AFF3: variants seen among roughly 807,000 people sequenced by gnomAD.
AFF3 encodes ALF transcription elongation factor 3, also known as AF4/FMR2 family member 3.
In AFF3, 32 loss-of-function variants were observed where a neutral mutation model predicts 129.7. The ratio of observed to expected loss-of-function variants is 0.25; its 90% CI spans 0.19 to 0.33. The LOEUF (loss-of-function observed/expected upper bound fraction) is 0.33. AFF3 is among the 10% of genes least tolerant of loss of function. The pLI, the probability that AFF3 is intolerant of heterozygous loss-of-function variation, is 1.00. For synonymous variants in AFF3, 644 were observed against 635.4 expected, an observed-to-expected ratio of 1.01 and a Z score of -0.20; for missense variants, 1,373 against 1,592.0, an observed-to-expected ratio of 0.86 and a Z score of 2.34.
chr2:99,690,371 TG>T (rs1675526257), intron 11 of AFF3, among the ~76,000 whole-genome samples: 1 of 151,242 alleles, frequency 6.6e-6, no homozygotes, highest in South Asian at 2.1e-4. Context: ...TTAGTAGAGA[TG>T]GGGTTTCACC....
intron 19 of AFF3, among the ~76,000 whole-genome samples, chr2:99,567,653 G>C (rs914552730): frequency 3.9e-5 from 6 of 152,130 alleles, no homozygotes; most frequent in Admixed American, 1.3e-4. Flanking sequence ...CCATGAGAGT[G>C]TGTGAGAGTG....
chr2:100,106,646 C>T, intron 2 of AFF3: 1 of 986,538 alleles, frequency 1.0e-6, no homozygotes, highest in Non-Finnish European at 1.2e-6. Context: ...GTGTCCTGTT[C>T]CCGTGCTCCT....
chr2:99,673,702 C>T (rs1469750799), intron 11 of AFF3, among the ~76,000 whole-genome samples: 1 of 152,180 alleles, frequency 6.6e-6, no homozygotes, highest in Admixed American at 6.5e-5. Context: ...AGGCTGTCCC[C>T]TAAAATGTAC....
rs912236229 is a variant in AFF3, at chr2:100,106,169, A to C, written c.-144-586T>G. The C allele has an allele frequency of 6.6e-6, 8 of 1,203,676 alleles. No homozygotes were observed. The African/African-American group carries it at 1.1e-4, about 17-fold the overall frequency. 74.6% of individuals were successfully genotyped at this position (1,203,676 alleles called of 1,614,324 possible). Reference sequence around the variant, plus strand: ...GGCTCCCTTCTTCCCCCAGCTCTGAATCAATCCTTTCTTCATTAGCATCCA... The same window carrying C: ...GGCTCCCTTCTTCCCCCAGCTCTGACTCAATCCTTTCTTCATTAGCATCCA... On this transcript the variant is annotated intron_variant, in intron 2 of 24. Transcript: ENST00000672756.
chr2:99,675,662 A>G (rs1687542349), intron 11 of AFF3, among the ~76,000 whole-genome samples: 1 of 152,204 alleles, frequency 6.6e-6, no homozygotes, highest in Non-Finnish European at 1.5e-5. Context: ...GCTGAAGTTT[A>G]TAGCTGAACA....
At chr2:99,730,108 A>ACATAC (rs1253531761) in intron 10 of AFF3, among the ~76,000 whole-genome samples, 2 of 152,152 alleles carry the variant, frequency 1.3e-5, no homozygotes, top group Non-Finnish European at 2.9e-5. Context: ...ACATTGCCTA[A>ACATAC]CATACACTAG....
chr2:100,108,063 C>T (rs1424706630), intron 2 of AFF3, among the ~76,000 whole-genome samples: 1 of 152,192 alleles, frequency 6.6e-6, no homozygotes, highest in Non-Finnish European at 1.5e-5. Context: ...GCCCCTACAG[C>T]ATCTCCTCCA....
intron 10 of AFF3, among the ~76,000 whole-genome samples, chr2:99,742,671 G>A (rs1329389228): frequency 6.6e-6 from 1 of 152,182 alleles, no homozygotes. Context: ...AGAGAGCCCT[G>A]AATTCAAATT....
chr2:100,093,797 G>C (rs1436582899), intron 4 of AFF3, among the ~76,000 whole-genome samples: 1 of 152,146 alleles, frequency 6.6e-6, no homozygotes, highest in Admixed American at 6.5e-5. Flanking sequence ...CGCCGCACGT[G>C]ATGATCACTG....
chr2:100,091,212 C>A (rs892008596), intron 4 of AFF3, among the ~76,000 whole-genome samples: 1 of 151,762 alleles, frequency 6.6e-6, no homozygotes, highest in African/African-American at 2.4e-5. Context: ...TAGAATCCAC[C>A]CTACAGGTAA....
rs376618862 is a variant in AFF3, at chr2:99,546,966, G to A, written c.*4508C>T. ...CATGTGCATACGTGCATGCATGTGCGCGCGTGTGTGCGTATGTGTATGTAT... is the reference window on the plus strand; with the variant it reads ...CATGTGCATACGTGCATGCATGTGCACGCGTGTGTGCGTATGTGTATGTAT... On this transcript the variant is annotated 3_prime_UTR_variant, in exon 25 of 25. Transcript: ENST00000672756. The A allele has an allele frequency of 3.2e-5, 7 of 221,590 alleles. No homozygotes were observed. The highest frequency in any genetic ancestry group is 6.6e-5 in the East Asian group (1 of 15,264). 13.7% of individuals were successfully genotyped at this position (221,590 alleles called of 1,614,324 possible).
chr2:99,856,717 A>T (rs1690559044), intron 7 of AFF3, among the ~76,000 whole-genome samples: 1 of 152,160 alleles, frequency 6.6e-6, no homozygotes, highest in Admixed American at 6.5e-5. Flanking sequence ...TCTTAAGTGG[A>T]TGGCCAAGCA....
Position 100,008,917 on chromosome 2 carries a change from A to C in AFF3, c.69T>G (p.Asp23Glu). 6.2e-7 allele frequency: 1 copy of C among 1,613,996 alleles called. No homozygotes were observed. The highest frequency in any genetic ancestry group is 2.2e-5 in the East Asian group (1 of 44,884). ...GTTCTTTCCTCCGTAATGCATTTCT[A>C]TCTGGTTCATAGACACTGCATCAGG... ...DLESLCVYEP[D>E]RNALRRKERE... The change falls in exon 5 of 25, where the codon GAT (aspartate) becomes GAG (glutamate). Residue 23 changes from aspartate to glutamate, a missense_variant. Around this residue, in one of 9 missense-constraint regions of AFF3, gnomAD observed 255 missense variants for 256.0 expected, o/e 1.00. Transcript: ENST00000672756.
intron 16 of AFF3, among the ~76,000 whole-genome samples, chr2:99,585,923 G>A (rs1277771128): frequency 6.6e-6 from 1 of 152,010 alleles, no homozygotes; most frequent in Non-Finnish European, 1.5e-5. Context: ...TAGATACGGG[G>A]TTTCACCATA....
rs746466474 is a variant in AFF3 at position 99,593,774 on chromosome 2, G to A, written c.1887C>T (p.Pro629=). 4.3e-6 allele frequency: 7 copies of A among 1,612,568 alleles called. No homozygotes were observed. Among genetic ancestry groups the A allele is most frequent in the Non-Finnish European group, 5.9e-6 (7 of 1,179,928 alleles). The change falls in exon 15 of 25, where the codon CCC becomes CCT. Residue 629 remains proline, a synonymous_variant. Transcript: ENST00000672756. ...GGTGGCTCGCTCTGTTGTTGCCACA[G>A]GGCCTGGTTTTGGTGGGCTCCGGGG... ...VVPPEPTKTR[P]CGNNRASHRK...
chr2:99,909,188 G>A (rs1402942785), intron 7 of AFF3, among the ~76,000 whole-genome samples: 2 of 151,938 alleles, frequency 1.3e-5, no homozygotes, highest in Non-Finnish European at 2.9e-5. Flanking sequence ...CCTTTGTAGG[G>A]ACACGGATGA....
At chr2:100,028,941 G>T (rs2104937894) in intron 4 of AFF3, among the ~76,000 whole-genome samples, 1 of 151,636 alleles carries the variant, frequency 6.6e-6, no homozygotes, top group East Asian at 2.0e-4. Flanking sequence ...ACTGAGAGCG[G>T]GGTCTTGGAG....
intron 7 of AFF3, among the ~76,000 whole-genome samples, chr2:99,865,451 G>C (rs979450207): frequency 2.0e-5 from 3 of 152,236 alleles, no homozygotes; most frequent in Non-Finnish European, 4.4e-5. Flanking sequence ...GAGCCACACA[G>C]AGTTCACGTG....
chr2:99,900,340 G>C (rs1694256724), intron 7 of AFF3, among the ~76,000 whole-genome samples: 1 of 152,194 alleles, frequency 6.6e-6, no homozygotes, highest in Non-Finnish European at 1.5e-5. Context: ...TTATAGATCA[G>C]AAATTTGGTT....
Sources: gnomAD v4.1 joint callset for allele counts (sites outside exome capture counted in the v4.1 genomes callset) on GRCh38, gnomAD v4.1.1 for gene constraint, gnomAD v4.1.1 regional missense constraint, MANE v1.5 for transcripts, NCBI Gene and HGNC (gene_info 2026-07-23, HGNC 2026-07-21) for gene names.